Variants in HGF observed in about 807,000 individuals in gnomAD.
The protein encoded by HGF is hepatocyte growth factor, also known as fibroblast-derived tumor cytotoxic factor.
A neutral mutation model predicts 111.6 loss-of-function variants in HGF; 39 were observed. The observed-to-expected ratio is 0.35, with a 90% CI of 0.27 to 0.46. HGF has a LOEUF of 0.46. Among genes scored for constraint, HGF ranks in the 20% least tolerant of loss-of-function variants. The pLI, the probability that HGF is intolerant of heterozygous loss-of-function variation, is 1.00. For missense variants in HGF, 735 were observed against 910.5 expected, an observed-to-expected ratio of 0.81 and a Z score of 2.48; for synonymous variants, 285 against 294.8, an observed-to-expected ratio of 0.97 and a Z score of 0.34.
chr7:81,703,356 T>G (rs984501034), intron 17 of HGF, among the ~76,000 whole-genome samples: 1 of 150,976 alleles, frequency 6.6e-6, no homozygotes, highest in African/African-American at 2.4e-5. Context: ...CAAGGAATAT[T>G]CCTCCAGTTA....
intron 9 of HGF, among the ~76,000 whole-genome samples, 198 bp downstream of exon 9, chr7:81,725,690 CAG>C (rs1209618697): frequency 2.6e-5 from 4 of 152,112 alleles, no homozygotes; most frequent in Non-Finnish European, 5.9e-5. Flanking sequence ...CTGTGGCTGT[CAG>C]TAGCATACAC....
At chr7:81,756,467 T>A in intron 4 of HGF, 1 of 169,116 alleles carries the variant, frequency 5.9e-6, no homozygotes, top group South Asian at 1.8e-4. Context: ...ATGTTTTTCC[T>A]CAGTGATGAT....
intron 7 of HGF, among the ~76,000 whole-genome samples, chr7:81,737,518 A>C (rs374318939): frequency 6.6e-5 from 10 of 152,078 alleles, no homozygotes; most frequent in African/African-American, 2.2e-4. Context: ...CAGTAATGTT[A>C]AGACATCATT....
chr7:81,728,993 A>C (rs1322822391), intron 8 of HGF, among the ~76,000 whole-genome samples: 1 of 151,362 alleles, frequency 6.6e-6, no homozygotes, highest in Non-Finnish European at 1.5e-5. Context: ...AAGTACCCAT[A>C]GAGAATGCAC....
chr7:81,717,344 A>T lies in HGF; in HGVS notation c.1293T>A (p.Asp431Glu), dbSNP rs1366620727. Reference sequence around the variant, plus strand: ...AGTAATTCTCATTCAGCTTACTTGCATCTGGTTCCCAGAAGATATGACTGT... The same window carrying T: ...AGTAATTCTCATTCAGCTTACTTGCTTCTGGTTCCCAGAAGATATGACTGT... Reference protein sequence around the residue: ...DLHRHIFWEPDASKLNENYCR... With the variant: ...DLHRHIFWEPEASKLNENYCR... Residue 431 changes from aspartate to glutamate, a missense_variant, in exon 11 of 18, where the codon GAT becomes GAA. Asp to Glu is a conservative substitution (Grantham distance 45, BLOSUM62 2). Transcript: ENST00000222390. 1 of 1,613,590 alleles carries T rather than the reference A, an allele frequency of 6.2e-7. No individual in the cohort carries two copies.
In HGF at chr7:81,757,229, T is replaced by C; in HGVS notation, c.442A>G (p.Lys148Glu). The C allele has an allele frequency of 1.2e-6, 2 of 1,608,754 alleles. No homozygotes were observed. The highest frequency in any genetic ancestry group is 1.1e-5 in the South Asian group (1 of 90,990). ...ATCATGGAACTCCAGGGCTGACATT[T>C]GATGCCACTCTTAGTGATAGATACT... is the stretch of plus-strand genomic sequence containing the variant. The part of the protein sequence containing the change: ...GTVSITKSGI[K>E]CQPWSSMIPH... The change falls in exon 4 of 18, where the codon AAA becomes GAA. Residue 148 changes from lysine to glutamate, a missense_variant. This residue lies in a region of HGF where 553 missense variants were observed against 685.6 expected (regional missense o/e 0.81). Coordinates refer to ENST00000222390, the MANE Select transcript of HGF (RefSeq NM_000601.6).
chr7:81,729,464 G>A lies in HGF; in HGVS notation c.1040+141C>T, dbSNP rs1304919379. 3 of 709,486 alleles carry A rather than the reference G, an allele frequency of 4.2e-6. No individual in the cohort carries two copies. In the East Asian group the frequency reaches 8.0e-5, roughly 19 times the overall value. 43.9% of individuals were successfully genotyped at this position (709,486 alleles called of 1,614,324 possible). ...AGAGAATCAAAATCTCTGAGTGGAG[G>A]TGTAATCTGCCTTTTAACTCCTGAT... On this transcript the variant is annotated intron_variant, in intron 8 of 17. Coordinates refer to ENST00000222390, the MANE Select transcript of HGF (RefSeq NM_000601.6).
At chr7:81,733,685 C>T (rs539424117) in intron 7 of HGF, among the ~76,000 whole-genome samples, 10 of 151,972 alleles carry the variant, frequency 6.6e-5, no homozygotes, top group South Asian at 4.2e-4. Context: ...TATATTAGTA[C>T]GACAAGGTAA....
chr7:81,724,643 G>A (rs1210598089), intron 9 of HGF, among the ~76,000 whole-genome samples: 1 of 152,078 alleles, frequency 6.6e-6, no homozygotes, highest in African/African-American at 2.4e-5. Flanking sequence ...GTGTGTCACC[G>A]GGGTTGGGTG....
At chr7:81,735,116 A>G (rs2115961743) in intron 7 of HGF, among the ~76,000 whole-genome samples, 1 of 152,228 alleles carries the variant, frequency 6.6e-6, no homozygotes, top group South Asian at 2.1e-4. Flanking sequence ...GAAGACCAGG[A>G]TCCAGCTCAT....
intron 8 of HGF, among the ~76,000 whole-genome samples, chr7:81,729,028 A>AGAAATCCACCT (rs1206557343): frequency 0.34 from 5,524 of 16,200 alleles, 2,464 homozygotes; most frequent in East Asian, 0.63. Flanking sequence ...ATTGATACTC[A>AGAAATCCACCT]AGGGCAGTTT....
At chr7:81,740,379 CAT>C (rs1468468698) in intron 7 of HGF, among the ~76,000 whole-genome samples, 1 of 152,146 alleles carries the variant, frequency 6.6e-6, no homozygotes, top group African/African-American at 2.4e-5. Flanking sequence ...CAAGTAAATA[CAT>C]GTGTGGTCCC....
chr7:81,707,816 T>A (rs142164715), intron 13 of HGF, among the ~76,000 whole-genome samples: 2 of 152,144 alleles, frequency 1.3e-5, no homozygotes, highest in African/African-American at 4.8e-5. Context: ...TGGTAGCAAT[T>A]TTATTCGTGC....
Position 81,742,646 on chromosome 7 carries a change from T to C in HGF, c.865+707A>G, listed in dbSNP as rs904534012. The C allele has an allele frequency of 1.2e-5, 14 of 1,142,342 alleles. No homozygotes were observed. In the African/African-American group the frequency reaches 1.6e-4, roughly 13 times the overall value. 70.8% of individuals were successfully genotyped at this position (1,142,342 alleles called of 1,614,324 possible). A position where few individuals can be genotyped will look rare whatever the true frequency, so the allele number is the denominator to read the frequency against. ...ACAGTGAAAATGTGTGACTTAACCA[T>C]AGAGGAGAGGACCAAGTTCACAGAT... On this transcript the variant is annotated intron_variant, in intron 7 of 17. Coordinates refer to ENST00000222390, the MANE Select transcript of HGF (RefSeq NM_000601.6).
At chr7:81,746,511 G>A (rs556922957) in intron 5 of HGF, among the ~76,000 whole-genome samples, 13 of 152,232 alleles carry the variant, frequency 8.5e-5, no homozygotes, top group Admixed American at 3.9e-4. Context: ...TTTTGATACC[G>A]TCAAAGAAAA....
At chr7:81,737,468 G>C (rs1787869189) in intron 7 of HGF, among the ~76,000 whole-genome samples, 1 of 152,022 alleles carries the variant, frequency 6.6e-6, no homozygotes, top group African/African-American at 2.4e-5. Flanking sequence ...TGAGGTTCCT[G>C]AGATCCTTTC....
At chr7:81,751,630 G>A in intron 5 of HGF, 1 of 995,618 alleles carries the variant, frequency 1.0e-6, no homozygotes, top group South Asian at 4.5e-5. Flanking sequence ...AATGTGCATG[G>A]GGTCAAGCTT....
rs1789147674 is a variant in HGF at position 81,762,700 on chromosome 7, A to C, written c.254+7T>G. On this transcript the variant is annotated splice_region_variant and intron_variant, in intron 2 of 17. Coordinates refer to ENST00000222390, the MANE Select transcript of HGF (RefSeq NM_000601.6). ...AATTATTCTAAGAAGAAAATGAAGT[A>C]ACTTACTTGCAAGTGAATGGAAGTC... is the stretch of plus-strand genomic sequence containing the variant. 3.1e-6 allele frequency: 5 copies of C among 1,595,056 alleles called. No homozygotes were observed. The highest frequency in any genetic ancestry group is 4.3e-6 in the Non-Finnish European group (5 of 1,162,870).
Position 81,702,351 on chromosome 7 carries a change from A to T in HGF, c.*230T>A, listed in dbSNP as rs912015642. On this transcript the variant is annotated 3_prime_UTR_variant, in exon 18 of 18. Transcript: ENST00000222390. Reference sequence around the variant, plus strand: ...TAATCCATTCAAGTATCTTCAGGAGATATGTTATTACACTTGCATGTACCT... The same window carrying T: ...TAATCCATTCAAGTATCTTCAGGAGTTATGTTATTACACTTGCATGTACCT... 20 of 483,748 alleles carry T rather than the reference A, an allele frequency of 4.1e-5. No individual in the cohort carries two copies. Among genetic ancestry groups the T allele is most frequent in the African/African-American group, 3.7e-4 (19 of 51,558 alleles). The allele number at this position is 483,748 out of a possible 1,614,324, so 30.0% of individuals were successfully genotyped here.
Sources: allele counts gnomAD v4.1 joint callset (sites outside exome capture counted in the v4.1 genomes callset), GRCh38; gene constraint gnomAD v4.1.1; regional missense constraint gnomAD v4.1.1; transcripts MANE v1.5; gene names NCBI Gene and HGNC (gene_info 2026-07-23, HGNC 2026-07-21).